HGSNAT: variants seen among roughly 807,000 people sequenced by gnomAD.
HGSNAT encodes heparan-alpha-glucosaminide N-acetyltransferase, also known as transmembrane protein 76.
A neutral mutation model predicts 85.2 loss-of-function variants in HGSNAT; 59 were observed. The ratio of observed to expected loss-of-function variants is 0.69; its 90% CI spans 0.56 to 0.86. The LOEUF (loss-of-function observed/expected upper bound fraction) is 0.86. Among genes scored for constraint, HGSNAT ranks in the 40% least tolerant of loss-of-function variants. The probability of loss-of-function intolerance (pLI) is 0.00; values close to 1 mark genes in which losing one functional copy is unlikely to be tolerated. For missense variants in HGSNAT, 756 were observed against 777.1 expected (o/e 0.97, Z 0.32); for synonymous variants, 321 against 304.5 (o/e 1.05, Z -0.56).
At chr8:43,147,862 T>C (rs1292437308) in intron 2 of HGSNAT, among the ~76,000 whole-genome samples, 2 of 152,142 alleles carry the variant, frequency 1.3e-5, no homozygotes, top group Non-Finnish European at 2.9e-5. Flanking sequence ...GACAGGATCA[T>C]TCATGCCCCA....
At chr8:43,199,063 G>A (rs983181006) in intron 17 of HGSNAT, among the ~76,000 whole-genome samples, 19 of 152,128 alleles carry the variant, frequency 1.2e-4, no homozygotes, top group African/African-American at 4.1e-4. Context: ...CACCACGCCC[G>A]GCTAATTTTG....
intron 9 of HGSNAT, among the ~76,000 whole-genome samples, chr8:43,176,520 G>T (rs777963483): frequency 2.0e-5 from 3 of 152,040 alleles, no homozygotes; most frequent in South Asian, 2.1e-4. Context: ...GATAACTTTG[G>T]CTACGCTGGG....
chr8:43,142,468 GTTATTA>G (rs990628789), intron 1 of HGSNAT, among the ~76,000 whole-genome samples: 1 of 151,884 alleles, frequency 6.6e-6, no homozygotes, highest in African/African-American at 2.4e-5. Context: ...GATACAGACT[GTTATTA>G]TTATTTTTAA....
At chr8:43,194,024 A>C in intron 14 of HGSNAT, 181 bp downstream of exon 14, 1 of 1,363,664 alleles carries the variant, frequency 7.3e-7, no homozygotes, top group African/African-American at 1.5e-5. Flanking sequence ...CAGCACATTC[A>C]AGTAATTAGA....
At chr8:43,181,082 G>A (rs1373268504) in intron 10 of HGSNAT, among the ~76,000 whole-genome samples, 9 of 92,334 alleles carry the variant, frequency 9.7e-5, no homozygotes, top group African/African-American at 4.1e-4. Context: ...GGGAGACCGT[G>A]GAGGGAGAGG....
At chr8:43,180,112 C>CG (rs1456889185) in intron 10 of HGSNAT, among the ~76,000 whole-genome samples, 1 of 99,164 alleles carries the variant, frequency 1.0e-5, no homozygotes, top group Non-Finnish European at 2.2e-5. Context: ...ACCCCCCCCC[C>CG]CACCGCCTCC....
At chr8:43,191,446 C>A (rs781200898) in intron 11 of HGSNAT, 28 bp from the exon 12 acceptor site, 2 of 1,606,182 alleles carry the variant, frequency 1.2e-6, no homozygotes, top group Admixed American at 1.7e-5. Flanking sequence ...TTAGTTCACC[C>A]GTGTTTTATT....
chr8:43,182,536 C>G, intron 11 of HGSNAT: 1 of 435,734 alleles, frequency 2.3e-6, no homozygotes, highest in Non-Finnish European at 4.3e-6. Flanking sequence ...CTCAACATCC[C>G]AGGCTTAAGC....
At chr8:43,189,604 G>A (rs550312731) in intron 11 of HGSNAT, among the ~76,000 whole-genome samples, 85 of 152,216 alleles carry the variant, frequency 5.6e-4, no homozygotes, top group African/African-American at 1.8e-3. Flanking sequence ...ACCCTGCTCC[G>A]TGGGCTGTAC....
intron 1 of HGSNAT, 100 bp downstream of exon 1, chr8:43,140,714 C>A: frequency 3.9e-6 from 2 of 514,550 alleles, no homozygotes; most frequent in Non-Finnish European, 5.3e-6. Context: ...GAGCGCTAGG[C>A]CGGGCCGGAA....
intron 8 of HGSNAT, 101 bp from the exon 9 acceptor site, chr8:43,173,607 CCCCTG>C (rs1221265135): frequency 8.0e-7 from 1 of 1,245,570 alleles, no homozygotes; most frequent in East Asian, 2.6e-5. Flanking sequence ...CACTGCGCCT[CCCCTG>C]GGTTTACTTT....
In HGSNAT at chr8:43,199,669, G is replaced by A. The variant is rs967588163; in HGVS notation, c.*100G>A. The A allele has an allele frequency of 1.1e-6, 1 of 919,920 alleles. No homozygotes were observed. The highest frequency in any genetic ancestry group is 3.3e-5 in the Admixed American group (1 of 30,110). The allele number at this position is 919,920 out of a possible 1,614,324, so 57.0% of individuals were successfully genotyped here. A position where few individuals can be genotyped will look rare whatever the true frequency, so the allele number is the denominator to read the frequency against. ...GGAAGCATTCATTAGGAAATTGACT[G>A]GCTGCGTGTTTACAGACTCTGGGGG... is the stretch of plus-strand genomic sequence containing the variant. On this transcript the variant is annotated 3_prime_UTR_variant, in exon 18 of 18. Coordinates refer to ENST00000379644, the MANE Select transcript of HGSNAT (RefSeq NM_152419.3).
At position 43,199,589 on chromosome 8, in the gene HGSNAT, C is replaced by A; in HGVS notation, c.*20C>A. 6.6e-7 allele frequency: 1 copy of A among 1,510,784 alleles called. No individual in the cohort carries two copies. 93.6% of individuals were successfully genotyped at this position (1,510,784 alleles called of 1,614,324 possible). ...ATCTGATGGCTCCCACTGAGATGTG[C>A]TGCTGGAAGACTCTAGTAGGCCTGC... On this transcript the variant is annotated 3_prime_UTR_variant, in exon 18 of 18. Coordinates refer to ENST00000379644, the MANE Select transcript of HGSNAT (RefSeq NM_152419.3).
At chr8:43,181,285 C>G (rs896614616) in intron 10 of HGSNAT, among the ~76,000 whole-genome samples, 1 of 151,392 alleles carries the variant, frequency 6.6e-6, no homozygotes, top group African/African-American at 2.4e-5. Context: ...TCCACCTTCA[C>G]TGGCACTTGT....
intron 1 of HGSNAT, among the ~76,000 whole-genome samples, chr8:43,143,541 CTT>C (rs906460660): frequency 1.3e-4 from 19 of 142,904 alleles, no homozygotes; most frequent in Non-Finnish European, 7.7e-5. Flanking sequence ...TTCTTTCTTT[CTT>C]TTTTTTTTTT....
intron 11 of HGSNAT, among the ~76,000 whole-genome samples, chr8:43,184,035 T>G (rs1236222106): frequency 6.6e-6 from 1 of 152,252 alleles, no homozygotes; most frequent in African/African-American, 2.4e-5. Context: ...CAGTCTATCA[T>G]TGTTGGGCAT....
intron 9 of HGSNAT, among the ~76,000 whole-genome samples, chr8:43,175,173 A>C (rs542887954): frequency 3.9e-5 from 6 of 152,160 alleles, no homozygotes; most frequent in Non-Finnish European, 8.8e-5. Context: ...GGCTATTGTG[A>C]ATAGTGCTGC....
rs561701894 is a variant in HGSNAT, at chr8:43,197,694, C to T, written c.1565C>T (p.Thr522Met). ...CAGGGGCTCATTTCTGTTGCTCTGA[C>T]GAAGGTTTCTGAAAATGAAGGCTTT... Reference protein sequence around the residue: ...CILGLISVALTKVSENEGFIP... With the variant: ...CILGLISVALMKVSENEGFIP... Residue 522 changes from threonine to methionine, a missense_variant, in exon 16 of 18, where the codon ACG becomes ATG. Transcript: ENST00000379644. 8 of 1,612,942 alleles carry T rather than the reference C, an allele frequency of 5.0e-6. No individual in the cohort carries two copies. Among genetic ancestry groups the T allele is most frequent in the South Asian group, 3.3e-5 (3 of 91,046 alleles).
chr8:43,162,433 A>G (rs910580200), intron 5 of HGSNAT, among the ~76,000 whole-genome samples: 5 of 152,332 alleles, frequency 3.3e-5, no homozygotes, highest in Middle Eastern at 3.4e-3. Context: ...GGATAGAGGA[A>G]GATTCTAGCA....
Sources: gnomAD v4.1 joint callset for allele counts (sites outside exome capture counted in the v4.1 genomes callset) on GRCh38, gnomAD v4.1.1 for gene constraint, MANE v1.5 for transcripts, NCBI Gene and HGNC (gene_info 2026-07-23, HGNC 2026-07-21) for gene names.